The following SLC8A1 variants were observed in gnomAD, a reference collection of about 807,000 sequenced individuals.
SLC8A1 encodes the protein solute carrier family 8 member A1.
Under a neutral mutation model 68.3 loss-of-function variants are expected in SLC8A1, and 18 were observed. That is an observed-to-expected ratio of 0.26 (90% CI 0.18 to 0.39). SLC8A1 has a LOEUF of 0.39. SLC8A1 is among the 10% of genes least tolerant of loss of function. SLC8A1 has a pLI of 1.00. For missense variants in SLC8A1, 985 were observed against 1,156.7 expected (o/e 0.85, Z 2.15); for synonymous variants, 475 against 415.5 (o/e 1.14, Z -1.74).
At chr2:40,337,658 G>A (rs1466902709) in intron 2 of SLC8A1, among the ~76,000 whole-genome samples, 1 of 151,828 alleles carries the variant, frequency 6.6e-6, no homozygotes, top group Non-Finnish European at 1.5e-5. Flanking sequence ...TTCCCCCTAG[G>A]TTTCCATTCC....
chr2:40,197,659 T>C (rs1303438810), intron 2 of SLC8A1, among the ~76,000 whole-genome samples: 1 of 151,510 alleles, frequency 6.6e-6, no homozygotes, highest in African/African-American at 2.4e-5. Context: ...CTAAAGGAAA[T>C]TCAGTATTCT....
At chr2:40,117,817 C>T (rs546987715) in intron 7 of SLC8A1, among the ~76,000 whole-genome samples, 10 of 152,230 alleles carry the variant, frequency 6.6e-5, no homozygotes, top group East Asian at 1.9e-4. Flanking sequence ...ATCCTTCCTC[C>T]GTAAACTTCC....
At chr2:40,422,526 G>T (rs79361520) in intron 2 of SLC8A1, among the ~76,000 whole-genome samples, 96 of 152,242 alleles carry the variant, frequency 6.3e-4, no homozygotes, top group African/African-American at 2.1e-3. Context: ...CCTAAGGAAA[G>T]AAAGCAAAGA....
At chr2:40,152,985 A>G (rs994543289) in intron 6 of SLC8A1, among the ~76,000 whole-genome samples, 1 of 152,186 alleles carries the variant, frequency 6.6e-6, no homozygotes, top group Non-Finnish European at 1.5e-5. Context: ...TTAAAAAAAT[A>G]GAAGAGAGAC....
chr2:40,278,293 AC>A (rs746945433), intron 2 of SLC8A1, among the ~76,000 whole-genome samples: 11 of 151,998 alleles, frequency 7.2e-5, no homozygotes, highest in East Asian at 5.8e-4. Flanking sequence ...ACATGGTGGA[AC>A]CCCATCTCTA....
chr2:40,483,540 T>C (rs538936043), intron 1 of SLC8A1, among the ~76,000 whole-genome samples: 1 of 152,266 alleles, frequency 6.6e-6, no homozygotes, highest in South Asian at 2.1e-4. Context: ...AAGAAAAAAC[T>C]AACAGAGACT....
In SLC8A1 at chr2:40,155,981, C is replaced by T. The variant is rs978061640; in HGVS notation, c.2161+4784G>A. 6.6e-5 allele frequency among the ~76,000 whole-genome samples: 10 copies of T among 152,196 alleles called. 1 individual carries two copies. The highest frequency in any genetic ancestry group is 1.2e-4 in the Non-Finnish European group (8 of 68,034). On this transcript the variant is annotated intron_variant, in intron 6 of 7. Coordinates refer to ENST00000406785, the Ensembl canonical transcript of SLC8A1. ...TCCAATTATGTAACAGGAAGATAGG[C>T]ACTTCTGAATCATCATCTCACTTGG...
At chr2:40,099,918 C>T (rs1229819789) in exon 8 of SLC8A1, 2 of 152,034 alleles carry the variant, frequency 1.3e-5, no homozygotes, top group Admixed American at 6.6e-5. Context: ...TGCACGTACA[C>T]AGTATGTACA....
At chr2:40,386,030 G>C (rs1397649786) in intron 2 of SLC8A1, among the ~76,000 whole-genome samples, 1 of 151,016 alleles carries the variant, frequency 6.6e-6, no homozygotes, top group African/African-American at 2.5e-5. Flanking sequence ...TTTCTTTATT[G>C]AACTGGTATT....
At chr2:40,344,371 G>A (rs960494963) in intron 2 of SLC8A1, among the ~76,000 whole-genome samples, 27 of 151,990 alleles carry the variant, frequency 1.8e-4, no homozygotes, top group African/African-American at 6.5e-4. Context: ...TGCTTTGGAG[G>A]GAGAGATTTA....
intron 1 of SLC8A1, among the ~76,000 whole-genome samples, chr2:40,468,693 T>A (rs1448226217): frequency 6.6e-6 from 1 of 152,132 alleles, no homozygotes; most frequent in Non-Finnish European, 1.5e-5. Flanking sequence ...AAACCCCATA[T>A]ACCCATCTTT....
intron 2 of SLC8A1, chr2:40,220,315 G>C (rs979485173): frequency 6.6e-6 from 1 of 152,174 alleles, no homozygotes; most frequent in African/African-American, 2.4e-5. Flanking sequence ...TGACAGCTGA[G>C]ACATCTCTGA....
At chr2:40,435,767 C>G (rs769144868) in intron 1 of SLC8A1, among the ~76,000 whole-genome samples, 1 of 151,934 alleles carries the variant, frequency 6.6e-6, no homozygotes, top group East Asian at 1.9e-4. Context: ...CGAGATAGCA[C>G]TTATTACTTT....
chr2:40,264,793 TACATATGTA>T (rs1417333058), intron 2 of SLC8A1, among the ~76,000 whole-genome samples: 1 of 152,114 alleles, frequency 6.6e-6, no homozygotes, highest in East Asian at 1.9e-4. Context: ...GGCACATGTA[TACATATGTA>T]ACAAACCTGC....
intron 7 of SLC8A1, among the ~76,000 whole-genome samples, chr2:40,127,624 G>A (rs1192842750): frequency 2.6e-5 from 4 of 152,168 alleles, no homozygotes; most frequent in Non-Finnish European, 2.9e-5. Context: ...CCCCAGTGGG[G>A]GTCATTTTAG....
intron 2 of SLC8A1, among the ~76,000 whole-genome samples, chr2:40,397,915 T>C (rs184333799): frequency 9.6e-4 from 146 of 152,316 alleles, no homozygotes; most frequent in African/African-American, 3.5e-3. Flanking sequence ...CATGGTTGGG[T>C]AGCTGCTGCC....
intron 2 of SLC8A1, among the ~76,000 whole-genome samples, chr2:40,376,187 T>G (rs1191713397): frequency 6.6e-6 from 1 of 152,130 alleles, no homozygotes. Flanking sequence ...GTGACTTAAC[T>G]GTTAACCTAT....
chr2:40,304,790 T>C (rs1001253490), intron 2 of SLC8A1, among the ~76,000 whole-genome samples: 1 of 152,156 alleles, frequency 6.6e-6, no homozygotes, highest in Admixed American at 6.6e-5. Flanking sequence ...TCCCCAACGC[T>C]AGCTGTTTTC....
chr2:40,167,215 C>T (rs942843515), intron 4 of SLC8A1, among the ~76,000 whole-genome samples: 13 of 152,106 alleles, frequency 8.5e-5, no homozygotes, highest in Non-Finnish European at 1.5e-4. Flanking sequence ...ATGCTTAATT[C>T]GGTGCTGTTA....
Sources: gnomAD v4.1 joint callset for allele counts (sites outside exome capture counted in the v4.1 genomes callset) on GRCh38, gnomAD v4.1.1 for gene constraint, MANE v1.5 for transcripts, NCBI Gene and HGNC (gene_info 2026-07-23, HGNC 2026-07-21) for gene names.